The following GRID2 variants were observed in gnomAD, a reference collection of about 807,000 sequenced individuals.
The protein encoded by GRID2 is glutamate ionotropic receptor delta type subunit 2, also known as glutamate receptor ionotropic, delta-2.
GRID2 carries 33 observed loss-of-function variants against 114.8 expected under a neutral mutation model. The ratio of observed to expected loss-of-function variants is 0.29; its 90% CI spans 0.22 to 0.38. GRID2 has a LOEUF of 0.38. GRID2 is among the 10% of genes least tolerant of loss of function. The pLI, the probability that GRID2 is intolerant of heterozygous loss-of-function variation, is 1.00. For missense variants in GRID2, 1,184 were observed against 1,257.7 expected, an observed-to-expected ratio of 0.94 and a Z score of 0.89; for synonymous variants, 505 against 449.9, an observed-to-expected ratio of 1.12 and a Z score of -1.55.
chr4:93,128,763 T>C lies in GRID2; in HGVS notation c.735+17810T>C, dbSNP rs1404377193. 2.0e-5 allele frequency among the ~76,000 whole-genome samples: 3 copies of C among 152,182 alleles called. No individual in the cohort carries two copies. The East Asian group carries it at 5.8e-4, about 29-fold the overall frequency. On this transcript the variant is annotated intron_variant, in intron 4 of 15. Transcript: ENST00000282020. ...GGAGACCTGAAATAAATGTTCATCC[T>C]GGTTCAAACTCCCATGGTGATCCTG... is the stretch of plus-strand genomic sequence containing the variant.
intron 2 of GRID2, among the ~76,000 whole-genome samples, chr4:92,920,093 A>G (rs753737724): frequency 6.6e-6 from 1 of 152,132 alleles, no homozygotes; most frequent in Non-Finnish European, 1.5e-5. Flanking sequence ...TCTCTTTACC[A>G]TTATATAATG....
intron 2 of GRID2, among the ~76,000 whole-genome samples, chr4:92,953,213 G>T (rs991644315): frequency 6.6e-6 from 1 of 152,124 alleles, no homozygotes; most frequent in African/African-American, 2.4e-5. Flanking sequence ...AATATATTTT[G>T]AGTTTGGGGA....
chr4:93,153,270 C>T (rs548203219), intron 4 of GRID2, among the ~76,000 whole-genome samples: 6 of 152,124 alleles, frequency 3.9e-5, no homozygotes, highest in Non-Finnish European at 8.8e-5. Context: ...AAACTATCTT[C>T]AGAAATACTT....
At chr4:93,188,851 T>G (rs771169164) in intron 4 of GRID2, among the ~76,000 whole-genome samples, 13 of 152,170 alleles carry the variant, frequency 8.5e-5, no homozygotes, top group Non-Finnish European at 2.9e-5. Flanking sequence ...TCCTTGTCAC[T>G]TAATAACAAG....
chr4:92,498,450 A>G (rs1723503781), intron 1 of GRID2, among the ~76,000 whole-genome samples: 1 of 151,988 alleles, frequency 6.6e-6, no homozygotes, highest in Admixed American at 6.6e-5. Context: ...TATTTAAATA[A>G]CAAAGCTAAA....
intron 14 of GRID2, among the ~76,000 whole-genome samples, chr4:93,636,673 A>C (rs1022547849): frequency 2.6e-5 from 4 of 152,220 alleles, no homozygotes; most frequent in Non-Finnish European, 5.9e-5. Flanking sequence ...TAGGTCCTTA[A>C]AATATTGTAA....
chr4:93,184,443 G>T (rs1740197057), intron 4 of GRID2, among the ~76,000 whole-genome samples: 1 of 144,854 alleles, frequency 6.9e-6, no homozygotes, highest in Non-Finnish European at 1.5e-5. Flanking sequence ...CTTCATGTAA[G>T]TGATCATTCT....
chr4:93,670,805 T>G (rs1468687147), intron 14 of GRID2, among the ~76,000 whole-genome samples: 1 of 152,218 alleles, frequency 6.6e-6, no homozygotes, highest in Non-Finnish European at 1.5e-5. Flanking sequence ...ACTAATCTCA[T>G]TTGAAAATCA....
chr4:93,460,361 A>ACC (rs1307658035), intron 11 of GRID2, among the ~76,000 whole-genome samples: 2 of 152,026 alleles, frequency 1.3e-5, no homozygotes, highest in Non-Finnish European at 2.9e-5. Flanking sequence ...CTAACTCTTC[A>ACC]CCTTTGTATC....
chr4:92,513,541 T>C (rs972350666), intron 1 of GRID2, among the ~76,000 whole-genome samples: 1 of 151,924 alleles, frequency 6.6e-6, no homozygotes, highest in African/African-American at 2.4e-5. Flanking sequence ...TTTTTTTGAC[T>C]GTATCCTAAG....
At chr4:93,636,365 T>G (rs1721410549) in intron 14 of GRID2, among the ~76,000 whole-genome samples, 1 of 152,098 alleles carries the variant, frequency 6.6e-6, no homozygotes, top group South Asian at 2.1e-4. Flanking sequence ...TACTAAAGGC[T>G]TTTTAACAAA....
At chr4:93,098,781 G>T (rs1329323804) in intron 3 of GRID2, among the ~76,000 whole-genome samples, 2 of 151,854 alleles carry the variant, frequency 1.3e-5, no homozygotes, top group African/African-American at 2.4e-5. Flanking sequence ...CAGCTGTAGA[G>T]ATTGGAGGGC....
At chr4:92,313,149 TA>T (rs1353627326) in intron 1 of GRID2, among the ~76,000 whole-genome samples, 1 of 149,844 alleles carries the variant, frequency 6.7e-6, no homozygotes, top group Non-Finnish European at 1.5e-5. Flanking sequence ...TACTCAGCCA[TA>T]AAAAAGAACG....
At chr4:93,054,970 T>TG (rs543796393) in intron 2 of GRID2, among the ~76,000 whole-genome samples, 74 of 152,056 alleles carry the variant, frequency 4.9e-4, no homozygotes, top group African/African-American at 1.4e-3. Context: ...TTTACACACA[T>TG]GGGGACAAGT....
intron 1 of GRID2, among the ~76,000 whole-genome samples, chr4:92,494,470 T>C (rs957823145): frequency 6.6e-6 from 1 of 152,010 alleles, no homozygotes; most frequent in Admixed American, 6.6e-5. Flanking sequence ...TTATTTTACA[T>C]GTCACATGAG....
chr4:92,405,516 T>A (rs1730983607), intron 1 of GRID2, among the ~76,000 whole-genome samples: 1 of 152,080 alleles, frequency 6.6e-6, no homozygotes, highest in Non-Finnish European at 1.5e-5. Context: ...GTTCAAGATA[T>A]TCAAGTATTT....
chr4:92,458,883 T>C (rs1721340876), intron 1 of GRID2, among the ~76,000 whole-genome samples: 1 of 152,130 alleles, frequency 6.6e-6, no homozygotes, highest in South Asian at 2.1e-4. Flanking sequence ...AAATAAAATG[T>C]CCTTAAAGAA....
At chr4:92,564,185 T>G (rs896133790) in intron 1 of GRID2, among the ~76,000 whole-genome samples, 2 of 152,042 alleles carry the variant, frequency 1.3e-5, no homozygotes, top group Non-Finnish European at 2.9e-5. Flanking sequence ...ATTTAATACT[T>G]AGGTTTCATC....
intron 4 of GRID2, among the ~76,000 whole-genome samples, chr4:93,128,378 TCTAGGTTGAATAAATA>T (rs1359696342): frequency 1.3e-5 from 2 of 152,074 alleles, no homozygotes; most frequent in East Asian, 3.9e-4. Context: ...AAGAAAGAAA[TCTAGGTTGAATAAATA>T]CTTTCTGACA....
Sources: allele counts gnomAD v4.1 joint callset (sites outside exome capture counted in the v4.1 genomes callset), GRCh38; gene constraint gnomAD v4.1.1; transcripts MANE v1.5; gene names NCBI Gene and HGNC (gene_info 2026-07-23, HGNC 2026-07-21).